The following STK32A variants were observed in gnomAD, a reference collection of about 807,000 sequenced individuals.
STK32A encodes serine/threonine kinase 32A.
A neutral mutation model predicts 53.2 loss-of-function variants in STK32A; 41 were observed. The observed-to-expected ratio is 0.77, with a 90% CI of 0.60 to 1.00. The LOEUF (loss-of-function observed/expected upper bound fraction) is 1.00, where lower values mean the gene tolerates loss of function less well. Ranked by LOEUF, STK32A falls within the 50% of genes least tolerant of loss-of-function variation. The probability of loss-of-function intolerance (pLI) is 0.00; values close to 1 mark genes in which losing one functional copy is unlikely to be tolerated. For synonymous variants in STK32A, 166 were observed against 162.8 expected (o/e 1.02, Z -0.15); for missense variants, 458 against 485.8 (o/e 0.94, Z 0.54).
rs569744407 is a variant in STK32A at position 147,255,789 on chromosome 5, A to G, written c.52+16103A>G. On this transcript the variant is annotated intron_variant, in intron 2 of 12. Transcript: ENST00000397936. Reference sequence around the variant, plus strand: ...TAGTTAATAAATCACTGTTGGTTGTAGTAGCTGTAGTTTATCCAATCTACA... The same window carrying G: ...TAGTTAATAAATCACTGTTGGTTGTGGTAGCTGTAGTTTATCCAATCTACA... Among the ~76,000 whole-genome samples the G allele has an allele frequency of 3.5e-4, 54 of 152,364 alleles. 1 individual carries two copies. Among genetic ancestry groups the G allele is most frequent in the Middle Eastern group, 3.4e-3 (1 of 294 alleles).
intron 2 of STK32A, among the ~76,000 whole-genome samples, chr5:147,265,801 G>C (rs1754778991): frequency 1.3e-5 from 2 of 152,104 alleles, no homozygotes; most frequent in African/African-American, 4.8e-5. Flanking sequence ...ATCTTAAAAG[G>C]GAGTAAGTGA....
chr5:147,396,947 T>A, the STK32A span, among the ~76,000 whole-genome samples: 1 of 114,282 alleles, frequency 8.8e-6, no homozygotes, highest in Non-Finnish European at 1.8e-5. Context: ...AATATATTTA[T>A]TTATACGCAT....
chr5:147,371,317 G>T (rs1756995168), intron 9 of STK32A, among the ~76,000 whole-genome samples: 1 of 152,132 alleles, frequency 6.6e-6, no homozygotes, highest in African/African-American at 2.4e-5. Flanking sequence ...TTAGAATAAA[G>T]ATTAAAATAA....
chr5:147,254,974 C>T (rs1354197867), intron 2 of STK32A, among the ~76,000 whole-genome samples: 3 of 152,106 alleles, frequency 2.0e-5, no homozygotes, highest in African/African-American at 7.2e-5. Flanking sequence ...CCCGTCTCTA[C>T]TAAAAATACA....
Position 147,351,050 on chromosome 5 carries a change from C to G in STK32A, c.473-15C>G, listed in dbSNP as rs750318653. 5 of 1,611,552 alleles carry G rather than the reference C, an allele frequency of 3.1e-6. No individual in the cohort carries two copies. The highest frequency in any genetic ancestry group is 4.2e-6 in the Non-Finnish European group (5 of 1,178,124). Reference sequence around the variant, plus strand: ...ATGGGACTTAACTTTCTGTGTGGTTCTTCTCTCTCTGCAGGGCACGTGCAC... The same window carrying G: ...ATGGGACTTAACTTTCTGTGTGGTTGTTCTCTCTCTGCAGGGCACGTGCAC... On this transcript the variant is annotated splice_polypyrimidine_tract_variant and intron_variant, in intron 6 of 12. Coordinates refer to ENST00000397936, the MANE Select transcript of STK32A (RefSeq NM_001112724.2).
chr5:147,400,683 A>G, the STK32A span: 1 of 1,613,702 alleles, frequency 6.2e-7, no homozygotes, highest in Non-Finnish European at 8.5e-7. Flanking sequence ...CATGACCTCC[A>G]TGCCTTACCA....
chr5:147,296,285 A>G lies in STK32A; in HGVS notation c.260+16887A>G, dbSNP rs1224668550. Among the ~76,000 whole-genome samples, 3 of 152,164 alleles carry G rather than the reference A, an allele frequency of 2.0e-5. No homozygotes were observed. In the East Asian group the frequency reaches 5.8e-4, roughly 29 times the overall value. On this transcript the variant is annotated intron_variant, in intron 4 of 12. Coordinates refer to ENST00000397936, the MANE Select transcript of STK32A (RefSeq NM_001112724.2). ...TTTAAAAGTTTTAGAGCAGGAATTA[A>G]AGGAAGTAAAGTACACTTGGAAGAG...
At chr5:147,399,002 C>A in the STK32A span, 2 of 1,548,308 alleles carry the variant, frequency 1.3e-6, no homozygotes, top group Admixed American at 3.7e-5. Context: ...CCCTGGCACA[C>A]CACATAAACA....
chr5:147,258,138 CT>C (rs1754319047), intron 2 of STK32A, among the ~76,000 whole-genome samples: 1 of 104,726 alleles, frequency 9.5e-6, no homozygotes, highest in Non-Finnish European at 2.1e-5. Flanking sequence ...ATGTATGATT[CT>C]TATAGACTCT....
At chr5:147,304,555 G>A (rs1753307734) in intron 4 of STK32A, among the ~76,000 whole-genome samples, 2 of 152,190 alleles carry the variant, frequency 1.3e-5, no homozygotes, top group African/African-American at 4.8e-5. Flanking sequence ...CCAGGGACTT[G>A]AAGGGAGCAC....
rs1159673609 is a variant in STK32A at position 147,385,163 on chromosome 5, CAG to C, written c.*1183_*1184del. On this transcript the variant is annotated 3_prime_UTR_variant, in exon 13 of 13. Coordinates refer to ENST00000397936, the MANE Select transcript of STK32A (RefSeq NM_001112724.2). The stretch of plus-strand genomic sequence containing the variant: ...AATTACTCTTTTTTTTCTTTTCAGG[CAG>C]AGTCTCACTCTGTCACCCAGGCTGG... The C allele has an allele frequency of 3.3e-5, 5 of 152,082 alleles. No homozygotes were observed. In the East Asian group the frequency reaches 9.7e-4, roughly 29 times the overall value. The allele number at this position is 152,082 out of a possible 1,614,324, so 9.4% of individuals were successfully genotyped here.
intron 8 of STK32A, among the ~76,000 whole-genome samples, chr5:147,362,009 C>G (rs931563309): frequency 6.6e-6 from 1 of 152,186 alleles, no homozygotes; most frequent in Non-Finnish European, 1.5e-5. Context: ...TAATACAACA[C>G]AATTCATGCT....
At chr5:147,244,194 T>C (rs906030903) in intron 2 of STK32A, among the ~76,000 whole-genome samples, 1 of 152,242 alleles carries the variant, frequency 6.6e-6, no homozygotes, top group African/African-American at 2.4e-5. Flanking sequence ...GGTTCATCCA[T>C]GTTGCAGCAT....
At position 147,297,636 on chromosome 5, in the gene STK32A, G is replaced by T. The variant is rs1581056189; in HGVS notation, c.260+18238G>T. Among the ~76,000 whole-genome samples the T allele has an allele frequency of 2.0e-5, 3 of 152,230 alleles. No homozygotes were observed. In the East Asian group the frequency reaches 5.8e-4, roughly 29 times the overall value. ...ATATTTCAAAGATATGATGAGATTT[G>T]TATCTGCAAGGGATTGTGAAGTCCA... is the stretch of plus-strand genomic sequence containing the variant. On this transcript the variant is annotated intron_variant, in intron 4 of 12. Coordinates refer to ENST00000397936, the MANE Select transcript of STK32A (RefSeq NM_001112724.2).
chr5:147,267,736 T>G lies in STK32A; in HGVS notation c.53-10388T>G, dbSNP rs566114914. On this transcript the variant is annotated intron_variant, in intron 2 of 12. Coordinates refer to ENST00000397936, the MANE Select transcript of STK32A (RefSeq NM_001112724.2). ...GGAGGGGGAAGTCTAAGAAATTGAT[T>G]GAGTCAACATTTATATAAATACTTA... Among the ~76,000 whole-genome samples the G allele has an allele frequency of 5.3e-5, 8 of 152,248 alleles. No homozygotes were observed. The South Asian group carries it at 1.7e-3, about 32-fold the overall frequency.
chr5:147,253,997 G>A (rs1318779673), intron 2 of STK32A, among the ~76,000 whole-genome samples: 2 of 152,074 alleles, frequency 1.3e-5, no homozygotes, highest in Non-Finnish European at 2.9e-5. Flanking sequence ...AGATATCATG[G>A]AATTCTAGAA....
intron 4 of STK32A, among the ~76,000 whole-genome samples, chr5:147,296,475 T>C (rs964320784): frequency 6.6e-6 from 1 of 152,116 alleles, no homozygotes; most frequent in Non-Finnish European, 1.5e-5. Context: ...AGAGGCCGCA[T>C]GTGCAGTGTG....
At chr5:147,265,457 T>C (rs750377635) in intron 2 of STK32A, among the ~76,000 whole-genome samples, 58 of 152,316 alleles carry the variant, frequency 3.8e-4, no homozygotes, top group Non-Finnish European at 7.1e-4. Context: ...CATTTATTCA[T>C]ATTCATCTAA....
chr5:147,267,105 A>G (rs562930844), intron 2 of STK32A, among the ~76,000 whole-genome samples: 16 of 152,260 alleles, frequency 1.1e-4, no homozygotes, highest in African/African-American at 3.6e-4. Flanking sequence ...TAGCAATAAC[A>G]TAAATAGCAG....
Sources: gnomAD v4.1 joint callset for allele counts (sites outside exome capture counted in the v4.1 genomes callset) on GRCh38, gnomAD v4.1.1 for gene constraint, MANE v1.5 for transcripts, NCBI Gene and HGNC (gene_info 2026-07-23, HGNC 2026-07-21) for gene names.